Variants in CSRNP2 observed in about 807,000 individuals in gnomAD.
The protein encoded by CSRNP2 is cysteine and serine rich nuclear protein 2.
CSRNP2 carries 11 observed loss-of-function variants against 36.6 expected under a neutral mutation model. The observed-to-expected ratio is 0.30, with a 90% CI of 0.19 to 0.50. CSRNP2 has a LOEUF of 0.50. CSRNP2 is among the 20% of genes least tolerant of loss of function. The pLI, the probability that CSRNP2 is intolerant of heterozygous loss-of-function variation, is 0.98. For synonymous variants in CSRNP2, 248 were observed against 275.3 expected, an observed-to-expected ratio of 0.90 and a Z score of 0.98; for missense variants, 483 against 691.4, an observed-to-expected ratio of 0.70 and a Z score of 3.38.
Position 51,064,248 on chromosome 12 carries a change from G to A in CSRNP2, c.1130C>T (p.Ala377Val), listed in dbSNP as rs746254287. Reference sequence around the variant, plus strand: ...CAGCTGAGCCTGGATGAGAATGGGGGCTGTAAGGCCTGGGCACAGCTCTTC... The same window carrying A: ...CAGCTGAGCCTGGATGAGAATGGGGACTGTAAGGCCTGGGCACAGCTCTTC... ...VPEELCPGLT[A>V]PILIQAQLPP... Residue 377 changes from alanine (A) to valine (V), a missense_variant, in exon 5 of 5, where the codon GCC becomes GTC. Transcript: ENST00000228515. The A allele has an allele frequency of 6.2e-7, 1 of 1,613,302 alleles. No homozygotes were observed. Among genetic ancestry groups the A allele is most frequent in the Admixed American group, 1.7e-5 (1 of 59,864 alleles).
At chr12:51,076,755 C>T (rs1939420184) in intron 1 of CSRNP2, 108 bp from the exon 2 acceptor site, 4 of 584,678 alleles carry the variant, frequency 6.8e-6, no homozygotes, top group African/African-American at 1.9e-5. Flanking sequence ...CTGATGTCTG[C>T]TTTCTCAATA....
Position 51,062,002 on chromosome 12 carries a change from G to A in CSRNP2, c.*1744C>T, listed in dbSNP as rs1436019210. The A allele has an allele frequency of 6.6e-6, 1 of 152,188 alleles. No individual in the cohort carries two copies. Among genetic ancestry groups the A allele is most frequent in the Non-Finnish European group, 1.5e-5 (1 of 68,034 alleles). 9.4% of individuals were successfully genotyped at this position (152,188 alleles called of 1,614,324 possible). A position where few individuals can be genotyped will look rare whatever the true frequency, so the allele number is the denominator to read the frequency against. ...TCAACTGTGTTTTGTGAGGCTAGGG[G>A]ATGGGGAGAGATAAGGATCTGTGTA... is the stretch of plus-strand genomic sequence containing the variant. On this transcript the variant is annotated 3_prime_UTR_variant, in exon 5 of 5. Coordinates refer to ENST00000228515, the MANE Select transcript of CSRNP2 (RefSeq NM_030809.3).
At position 51,064,631 on chromosome 12, in the gene CSRNP2, A is replaced by G. The variant is rs761211045; in HGVS notation, c.747T>C (p.Asp249=). The G allele has an allele frequency of 2.6e-6, 4 of 1,537,314 alleles. No homozygotes were observed. In the African/African-American group the frequency reaches 5.5e-5, roughly 21 times the overall value. ...RMSFPCGCSR[D]GCGNMAGRIE... ...TGCGTCCTGCCATGTTCCCACAGCC[A>G]TCCCGGGAGCAGCCACATGGAAAGG... The change falls in exon 5 of 5, where the codon GAT becomes GAC. Residue 249 remains aspartate, a synonymous_variant. Transcript: ENST00000228515.
chr12:51,078,515 T>C (rs975046144), intron 1 of CSRNP2, among the ~76,000 whole-genome samples: 1 of 152,158 alleles, frequency 6.6e-6, no homozygotes, highest in African/African-American at 2.4e-5. Flanking sequence ...TAGGGCATGG[T>C]AAGAAAGGAG....
chr12:51,078,157 G>A (rs1469955841), intron 1 of CSRNP2, among the ~76,000 whole-genome samples: 1 of 152,174 alleles, frequency 6.6e-6, no homozygotes, highest in Non-Finnish European at 1.5e-5. Flanking sequence ...AATATACTGT[G>A]GTGTCAAGAG....
chr12:51,069,122 C>A (rs1434467915), intron 3 of CSRNP2, among the ~76,000 whole-genome samples: 1 of 151,990 alleles, frequency 6.6e-6, no homozygotes, highest in Non-Finnish European at 1.5e-5. Context: ...ACTACAGGCA[C>A]CTGCCACCAC....
At position 51,064,332 on chromosome 12, in the gene CSRNP2, A is replaced by C. The variant is rs1771503841; in HGVS notation, c.1046T>G (p.Leu349Arg). The C allele has an allele frequency of 6.2e-7, 1 of 1,614,072 alleles. No individual in the cohort carries two copies. Among genetic ancestry groups the C allele is most frequent in the South Asian group, 1.1e-5 (1 of 91,092 alleles). The change falls in exon 5 of 5, where the codon CTG becomes CGG. Residue 349 changes from leucine (L) to arginine (R), a missense_variant. By Grantham distance (102) the Leu-to-Arg change is moderately radical. Around this residue, in one of 2 missense-constraint regions of CSRNP2, gnomAD observed 277 missense variants for 323.6 expected, o/e 0.86. Transcript: ENST00000228515. Reference sequence around the variant, plus strand: ...ACCCAGGCTCTCGATGCTCGAGTCCAGGCTGGCACTAGAGCCGCTGGAATC... The same window carrying C: ...ACCCAGGCTCTCGATGCTCGAGTCCCGGCTGGCACTAGAGCCGCTGGAATC... ...EEDSSGSSASLDSSIESLGVC... is the reference protein window; with the variant it reads ...EEDSSGSSASRDSSIESLGVC...
rs1938572989 is a variant in CSRNP2 at position 51,068,035 on chromosome 12, C to T, written c.412-66G>A. On this transcript the variant is annotated intron_variant, in intron 3 of 4. Coordinates refer to ENST00000228515, the MANE Select transcript of CSRNP2 (RefSeq NM_030809.3). ...GGCATGCACCTCCTCAGTGACCATC[C>T]CAGAGCAGCACTGTCCCTTGAACCT... 5 of 1,473,284 alleles carry T rather than the reference C, an allele frequency of 3.4e-6. No homozygotes were observed. In the East Asian group the frequency reaches 6.8e-5, roughly 20 times the overall value. The allele number at this position is 1,473,284 out of a possible 1,614,324, so 91.3% of individuals were successfully genotyped here. A position where few individuals can be genotyped will look rare whatever the true frequency, so the allele number is the denominator to read the frequency against.
In CSRNP2 at chr12:51,063,462, G is replaced by T; in HGVS notation, c.*284C>A. The T allele has an allele frequency of 4.4e-6, 1 of 227,446 alleles. No individual in the cohort carries two copies. The highest frequency in any genetic ancestry group is 8.6e-6 in the Non-Finnish European group (1 of 116,608). The allele number at this position is 227,446 out of a possible 1,614,324, so 14.1% of individuals were successfully genotyped here. On this transcript the variant is annotated 3_prime_UTR_variant, in exon 5 of 5. Transcript: ENST00000228515. ...CTGCTTGAGTTACCCAGCTTTTCCT[G>T]TGAGATCCTAGTTCTTTGTTCCAGT... is the stretch of plus-strand genomic sequence containing the variant.
Position 51,067,858 on chromosome 12 carries a change from G to A in CSRNP2, c.523C>T (p.Leu175=). The A allele has an allele frequency of 6.2e-7, 1 of 1,614,182 alleles. No homozygotes were observed. Among genetic ancestry groups the A allele is most frequent in the Non-Finnish European group, 8.5e-7 (1 of 1,180,034 alleles). ...CGCCGTTTGGTGGGCAGAGGCTGCA[G>A]GAAGAAGTAATCATCCACCTCCACA... ...ENVEVDDYFF[L]QPLPTKRRRA... Residue 175 remains leucine (L), a synonymous_variant, in exon 4 of 5, where the codon CTG becomes TTG. Transcript: ENST00000228515. The surrounding 1 kb of genome is among the most constrained non-coding windows in gnomAD (Gnocchi z 4.1).
chr12:51,072,796 T>C (rs1335145550), intron 3 of CSRNP2, among the ~76,000 whole-genome samples: 1 of 152,152 alleles, frequency 6.6e-6, no homozygotes, highest in East Asian at 1.9e-4. Flanking sequence ...CTGTGAAATA[T>C]CCAAAACCTG....
chr12:51,077,281 G>A (rs996707443), intron 1 of CSRNP2, among the ~76,000 whole-genome samples: 2 of 151,964 alleles, frequency 1.3e-5, no homozygotes, highest in South Asian at 2.1e-4. Context: ...AATACAGCCC[G>A]GCATTTCCCA....
At chr12:51,079,350 T>TA (rs1182133647) in intron 1 of CSRNP2, among the ~76,000 whole-genome samples, 6 of 151,086 alleles carry the variant, frequency 4.0e-5, no homozygotes, top group African/African-American at 7.3e-5. Context: ...CCCTAGAACT[T>TA]AAAGTATTAA....
chr12:51,070,916 G>A (rs1478246645), intron 3 of CSRNP2, among the ~76,000 whole-genome samples: 3 of 151,910 alleles, frequency 2.0e-5, no homozygotes, highest in Admixed American at 6.6e-5. Context: ...TGGAAGAATC[G>A]CTTAAGACCA....
At chr12:51,068,322 T>A (rs1447129169) in intron 3 of CSRNP2, among the ~76,000 whole-genome samples, 2 of 152,152 alleles carry the variant, frequency 1.3e-5, no homozygotes, top group Non-Finnish European at 2.9e-5. Context: ...GGCTAATTTT[T>A]TCTATTTTCA....
At chr12:51,078,556 T>C (rs1939490959) in intron 1 of CSRNP2, among the ~76,000 whole-genome samples, 1 of 152,090 alleles carries the variant, frequency 6.6e-6, no homozygotes, top group Non-Finnish European at 1.5e-5. Flanking sequence ...GGTTAAGATT[T>C]TAGCTGGGTT....
At chr12:51,076,712 C>A (rs931008320) in intron 1 of CSRNP2, 65 bp from the exon 2 acceptor site, 1 of 751,606 alleles carries the variant, frequency 1.3e-6, no homozygotes, top group Admixed American at 2.6e-5. Context: ...AGTCTATACA[C>A]ACAGCTCTCT....
Position 51,063,621 on chromosome 12 carries a change from C to A in CSRNP2, c.*125G>T. On this transcript the variant is annotated 3_prime_UTR_variant, in exon 5 of 5. Coordinates refer to ENST00000228515, the MANE Select transcript of CSRNP2 (RefSeq NM_030809.3). ...CTCAAACAATCCTTTCCCACCCATT[C>A]CCCAAAGACCCCAATAAAATAACAT... The A allele has an allele frequency of 1.3e-6, 1 of 745,292 alleles. No individual in the cohort carries two copies. Among genetic ancestry groups the A allele is most frequent in the Non-Finnish European group, 2.1e-6 (1 of 481,996 alleles). 46.2% of individuals were successfully genotyped at this position (745,292 alleles called of 1,614,324 possible). A position where few individuals can be genotyped will look rare whatever the true frequency, so the allele number is the denominator to read the frequency against.
At chr12:51,076,785 G>A (rs572254174) in intron 1 of CSRNP2, 138 bp from the exon 2 acceptor site, 1 of 521,302 alleles carries the variant, frequency 1.9e-6, no homozygotes. Context: ...TTCTCTACTA[G>A]CTCTGGCCAA....
Sources: allele counts gnomAD v4.1 joint callset (sites outside exome capture counted in the v4.1 genomes callset), GRCh38; gene constraint gnomAD v4.1.1; regional missense constraint gnomAD v4.1.1; non-coding constraint Gnocchi (gnomAD v3.1); transcripts MANE v1.5; gene names NCBI Gene and HGNC (gene_info 2026-07-23, HGNC 2026-07-21).